The following GALNT7 variants were observed in gnomAD, a reference collection of about 807,000 sequenced individuals.
The protein encoded by GALNT7 is polypeptide N-acetylgalactosaminyltransferase 7.
In GALNT7, 60 loss-of-function variants were observed where a neutral mutation model predicts 82.1. The ratio of observed to expected loss-of-function variants is 0.73; its 90% confidence interval spans 0.59 to 0.91. The LOEUF is 0.91. Among genes scored for constraint, GALNT7 ranks in the 40% least tolerant of loss-of-function variants. GALNT7 has a pLI of 0.00. For missense variants in GALNT7, 660 were observed against 804.2 expected, an observed-to-expected ratio of 0.82 and a Z score of 2.17; for synonymous variants, 243 against 275.1, an observed-to-expected ratio of 0.88 and a Z score of 1.15.
intron 1 of GALNT7, among the ~76,000 whole-genome samples, chr4:173,217,487 AC>A (rs1733508782): frequency 6.6e-6 from 1 of 152,242 alleles, no homozygotes; most frequent in South Asian, 2.1e-4. Flanking sequence ...ATCTACTAGA[AC>A]ATAAGGTTGA....
rs941785460 is a variant in GALNT7 at position 173,195,589 on chromosome 4, C to T, written c.126+26628C>T. ...AGTATAACCCCAAAACATATTTCTT[C>T]TCTAGGAACACTAGATCCTGAAGGT... On this transcript the variant is annotated intron_variant, in intron 1 of 11. Coordinates refer to ENST00000265000, the MANE Select transcript of GALNT7 (RefSeq NM_017423.3). Among the ~76,000 whole-genome samples, 5 of 152,186 alleles carry T rather than the reference C, an allele frequency of 3.3e-5. No individual in the cohort carries two copies. In the East Asian group the frequency reaches 9.6e-4, roughly 29 times the overall value.
At position 173,224,673 on chromosome 4, in the gene GALNT7, T is replaced by C. The variant is rs1448442737; in HGVS notation, c.127-23307T>C. Among the ~76,000 whole-genome samples the C allele has an allele frequency of 2.0e-5, 3 of 152,112 alleles. No homozygotes were observed. In the East Asian group the frequency reaches 5.8e-4, roughly 29 times the overall value. ...AATTACAATAAAATTCTGAACGAAG[T>C]TTAAGATTTCTTTGCAATTCTTTCT... On this transcript the variant is annotated intron_variant, in intron 1 of 11. Transcript: ENST00000265000.
intron 1 of GALNT7, among the ~76,000 whole-genome samples, chr4:173,232,563 A>C (rs1467702134): frequency 6.6e-6 from 1 of 151,738 alleles, no homozygotes; most frequent in Non-Finnish European, 1.5e-5. Flanking sequence ...CTTCCAAGTA[A>C]CTGGGACTAC....
rs1286063701 is a variant in GALNT7 at position 173,323,712 on chromosome 4, A to T, written c.*1995A>T. The T allele has an allele frequency of 6.6e-6, 1 of 152,636 alleles. No homozygotes were observed. Among genetic ancestry groups the T allele is most frequent in the Non-Finnish European group, 1.5e-5 (1 of 68,002 alleles). The allele number at this position is 152,636 out of a possible 1,614,324, so 9.5% of individuals were successfully genotyped here. A position where few individuals can be genotyped will look rare whatever the true frequency, so the allele number is the denominator to read the frequency against. On this transcript the variant is annotated 3_prime_UTR_variant, in exon 12 of 12. Transcript: ENST00000265000. Reference sequence around the variant, plus strand: ...AACAAAAACATCAGAAGCTGCTGCCATAATGACTATTTTCTACTGTAGGCT... The same window carrying T: ...AACAAAAACATCAGAAGCTGCTGCCTTAATGACTATTTTCTACTGTAGGCT...
intron 1 of GALNT7, among the ~76,000 whole-genome samples, chr4:173,184,554 T>C (rs1318581158): frequency 7.0e-6 from 1 of 142,122 alleles, no homozygotes; most frequent in Admixed American, 7.5e-5. Context: ...GGCAGTACAG[T>C]CCAGCCTCGG....
chr4:173,243,868 T>G (rs533107477), intron 1 of GALNT7, among the ~76,000 whole-genome samples: 4 of 152,316 alleles, frequency 2.6e-5, no homozygotes, highest in African/African-American at 9.6e-5. Flanking sequence ...ATTTTGTATT[T>G]TCCATTCTTT....
In GALNT7 at chr4:173,292,356, G is replaced by C. The variant is rs1736576669; in HGVS notation, c.754+82G>C. On this transcript the variant is annotated intron_variant, in intron 3 of 11. Coordinates refer to ENST00000265000, the MANE Select transcript of GALNT7 (RefSeq NM_017423.3). The surrounding 1 kb of genome is among the most constrained non-coding windows in gnomAD (Gnocchi z 4.8). ...CAAAAAGGTGATTTCAAAATAATTA[G>C]CTTTAAAAAATTAATAGCATCTATT... The C allele has an allele frequency of 1.2e-6, 1 of 860,730 alleles. No homozygotes were observed. The highest frequency in any genetic ancestry group is 1.8e-6 in the Non-Finnish European group (1 of 556,106). 53.3% of individuals were successfully genotyped at this position (860,730 alleles called of 1,614,324 possible).
intron 1 of GALNT7, among the ~76,000 whole-genome samples, chr4:173,170,948 A>G (rs1731842636): frequency 2.0e-5 from 3 of 152,196 alleles, no homozygotes; most frequent in Non-Finnish European, 1.5e-5. Context: ...AAAGAAGGTG[A>G]TGATATCTTG....
intron 1 of GALNT7, among the ~76,000 whole-genome samples, chr4:173,203,154 G>C (rs940646641): frequency 1.3e-5 from 2 of 151,920 alleles, no homozygotes; most frequent in Non-Finnish European, 1.5e-5. Flanking sequence ...GGAGTGCAGT[G>C]GCGCAATCTA....
At chr4:173,216,727 A>ATATATATATATATTTTTT (rs71244915) in intron 1 of GALNT7, among the ~76,000 whole-genome samples, 1 of 12,980 alleles carries the variant, frequency 7.7e-5, no homozygotes, top group African/African-American at 2.8e-4. Context: ...ATATATATAT[A>ATATATATATATATTTTTT]TTTTTTTTTT....
intron 2 of GALNT7, among the ~76,000 whole-genome samples, chr4:173,282,778 A>AGG (rs1736159328): frequency 6.6e-6 from 1 of 152,236 alleles, no homozygotes; most frequent in Non-Finnish European, 1.5e-5. Context: ...GAAGGAGGTA[A>AGG]GGATAGCTTA....
chr4:173,293,728 C>T (rs570965330), intron 3 of GALNT7, among the ~76,000 whole-genome samples: 5 of 152,254 alleles, frequency 3.3e-5, no homozygotes, highest in African/African-American at 1.2e-4. Flanking sequence ...CTCAGTGGCT[C>T]GCACAACAAA....
intron 9 of GALNT7, 99 bp from the exon 10 acceptor site, chr4:173,317,535 T>C (rs1210442340): frequency 1.0e-5 from 8 of 764,348 alleles, no homozygotes; most frequent in African/African-American, 6.9e-5. Flanking sequence ...ATTTTCCCTG[T>C]AAACTGTAAT....
intron 1 of GALNT7, among the ~76,000 whole-genome samples, chr4:173,192,667 T>C (rs994204499): frequency 1.3e-5 from 2 of 152,242 alleles, no homozygotes; most frequent in African/African-American, 4.8e-5. Flanking sequence ...AGAATGCACC[T>C]GCCTGAGCCT....
chr4:173,250,637 C>CT (rs542842719), intron 2 of GALNT7, among the ~76,000 whole-genome samples: 7 of 152,140 alleles, frequency 4.6e-5, no homozygotes, highest in South Asian at 2.1e-4. Context: ...CTCTTACTGT[C>CT]TTTTTTTTCA....
intron 1 of GALNT7, among the ~76,000 whole-genome samples, chr4:173,215,198 A>G (rs1171686005): frequency 6.6e-6 from 1 of 150,924 alleles, no homozygotes; most frequent in East Asian, 1.9e-4. Context: ...CTGAATACCC[A>G]CTGGCCCCAC....
intron 8 of GALNT7, among the ~76,000 whole-genome samples, chr4:173,308,622 T>C (rs1300440770): frequency 6.6e-6 from 1 of 152,170 alleles, no homozygotes; most frequent in Non-Finnish European, 1.5e-5. Context: ...AGAGGAAAAT[T>C]GGCCAGGCAC....
rs749791029 is a variant in GALNT7 at position 173,292,268 on chromosome 4, A to C, written c.748A>C (p.Asn250His). The C allele has an allele frequency of 6.4e-7, 1 of 1,557,388 alleles. No individual in the cohort carries two copies. The highest frequency in any genetic ancestry group is 8.7e-7 in the Non-Finnish European group (1 of 1,144,688). The change falls in exon 3 of 12, where the codon AAT becomes CAT. Residue 250 changes from asparagine to histidine, a missense_variant. By Grantham distance (68) the Asn-to-His change is moderately conservative. Coordinates refer to ENST00000265000, the MANE Select transcript of GALNT7 (RefSeq NM_017423.3). The surrounding 1 kb of genome is among the most constrained non-coding windows in gnomAD (Gnocchi z 4.8). Reference sequence around the variant, plus strand: ...AATTGTGTTAATTGACGATTTCAGTAATAAAGGTAATGGCTGTGAAACTCA... The same window carrying C: ...AATTGTGTTAATTGACGATTTCAGTCATAAAGGTAATGGCTGTGAAACTCA... Reference protein sequence around the residue: ...AEIVLIDDFSNKEHLKEKLDE... With the variant: ...AEIVLIDDFSHKEHLKEKLDE...
chr4:173,251,266 AG>A (rs1466930759), intron 2 of GALNT7, among the ~76,000 whole-genome samples: 51 of 152,332 alleles, frequency 3.3e-4, no homozygotes, highest in African/African-American at 1.2e-3. Context: ...TCTAACCCTC[AG>A]TTACCTAAAC....
Sources: allele counts gnomAD v4.1 joint callset (sites outside exome capture counted in the v4.1 genomes callset), GRCh38; gene constraint gnomAD v4.1.1; non-coding constraint Gnocchi (gnomAD v3.1); transcripts MANE v1.5; gene names NCBI Gene and HGNC (gene_info 2026-07-23, HGNC 2026-07-21).